CAB39: variants seen among roughly 807,000 people sequenced by gnomAD.
CAB39 encodes the protein calcium binding protein 39.
In CAB39, 8 loss-of-function variants were observed where a neutral mutation model predicts 40.0. That is an observed-to-expected ratio of 0.20 (90% CI 0.12 to 0.36). The LOEUF is 0.36. Among genes scored for constraint, CAB39 ranks in the 10% least tolerant of loss-of-function variants. CAB39 has a pLI of 1.00. For missense variants in CAB39, 270 were observed against 401.1 expected (o/e 0.67, Z 2.79); for synonymous variants, 156 against 141.6 (o/e 1.10, Z -0.72).
intron 1 of CAB39, among the ~76,000 whole-genome samples, chr2:230,723,746 T>C (rs1268028339): frequency 6.6e-6 from 1 of 152,240 alleles, no homozygotes; most frequent in Non-Finnish European, 1.5e-5. Context: ...GCCCTCTCCA[T>C]GCCCTGGTGC....
At chr2:230,794,773 A>G (rs1695952009) in intron 4 of CAB39, among the ~76,000 whole-genome samples, 1 of 152,206 alleles carries the variant, frequency 6.6e-6, no homozygotes, top group Non-Finnish European at 1.5e-5. Context: ...CCCAGCTTCA[A>G]CAGTTACGAA....
At chr2:230,792,801 C>A (rs1695913915) in intron 3 of CAB39, among the ~76,000 whole-genome samples, 1 of 152,142 alleles carries the variant, frequency 6.6e-6, no homozygotes, top group African/African-American at 2.4e-5. Context: ...CCTTCCATCA[C>A]TATGAAAGGA....
intron 1 of CAB39, among the ~76,000 whole-genome samples, chr2:230,721,141 A>G (rs541731667): frequency 1.3e-5 from 2 of 152,334 alleles, no homozygotes; most frequent in East Asian, 3.9e-4. Context: ...AGTATAAGAA[A>G]ACTTTTGCAG....
At chr2:230,817,211 A>G (rs1320384519) in intron 7 of CAB39, among the ~76,000 whole-genome samples, 4 of 152,234 alleles carry the variant, frequency 2.6e-5, no homozygotes, top group Non-Finnish European at 4.4e-5. Context: ...AGGAGCAGAA[A>G]AATACTCACT....
At chr2:230,724,695 A>G (rs1447689506) in intron 1 of CAB39, among the ~76,000 whole-genome samples, 1 of 66,150 alleles carries the variant, frequency 1.5e-5, no homozygotes, top group African/African-American at 6.5e-5. Context: ...AAAAACACAC[A>G]CGCTCACCAA....
At chr2:230,742,236 G>A (rs1180127950) in intron 1 of CAB39, among the ~76,000 whole-genome samples, 2 of 152,008 alleles carry the variant, frequency 1.3e-5, no homozygotes, top group African/African-American at 4.8e-5. Context: ...GTGCAGTGGT[G>A]CGATCTTGGC....
intron 1 of CAB39, among the ~76,000 whole-genome samples, chr2:230,731,550 G>A (rs1483171134): frequency 6.6e-6 from 1 of 152,192 alleles, no homozygotes; most frequent in East Asian, 1.9e-4. Context: ...CACCGAGGCT[G>A]TGAGTGCATT....
In CAB39 at chr2:230,799,110, A is replaced by G. The variant is rs183711031; in HGVS notation, c.567+213A>G. On this transcript the variant is annotated intron_variant, in intron 5 of 8. Transcript: ENST00000258418. ...AGATTCTAAAGTCTATCTAAAAGAC[A>G]AAAGTCCTGTGTGGTCAAAATTCTA... is the stretch of plus-strand genomic sequence containing the variant. 2.6e-4 allele frequency: 122 copies of G among 461,342 alleles called. 3 individuals carry two copies. The East Asian group carries it at 2.7e-3, about 10-fold the overall frequency. 28.6% of individuals were successfully genotyped at this position (461,342 alleles called of 1,614,324 possible). A position where few individuals can be genotyped will look rare whatever the true frequency, so the allele number is the denominator to read the frequency against.
chr2:230,744,081 G>T (rs917006769), intron 1 of CAB39, among the ~76,000 whole-genome samples: 3 of 151,410 alleles, frequency 2.0e-5, no homozygotes, highest in Non-Finnish European at 4.4e-5. Context: ...CACCATGCGC[G>T]GCTAATTTTT....
intron 1 of CAB39, among the ~76,000 whole-genome samples, chr2:230,750,950 A>G (rs1049889726): frequency 3.3e-5 from 5 of 152,226 alleles, no homozygotes; most frequent in Non-Finnish European, 7.3e-5. Context: ...GTAATTAACT[A>G]TTGTGCTTTA....
chr2:230,797,806 A>G (rs1696016161), intron 4 of CAB39, among the ~76,000 whole-genome samples: 1 of 152,210 alleles, frequency 6.6e-6, no homozygotes, highest in Non-Finnish European at 1.5e-5. Flanking sequence ...GGTTTTTTAC[A>G]GCACTGTCAG....
At chr2:230,743,305 T>G (rs559859531) in intron 1 of CAB39, among the ~76,000 whole-genome samples, 5 of 152,196 alleles carry the variant, frequency 3.3e-5, no homozygotes, top group East Asian at 1.9e-4. Context: ...AAGGGAGAGA[T>G]AGAGTAACTC....
At chr2:230,786,290 C>T (rs1247975779) in intron 2 of CAB39, among the ~76,000 whole-genome samples, 1 of 151,340 alleles carries the variant, frequency 6.6e-6, no homozygotes, top group African/African-American at 2.4e-5. Context: ...CAGGCGTGAG[C>T]CACCACACCC....
At position 230,782,813 on chromosome 2, in the gene CAB39, CTTTTTTT is replaced by C. The variant is rs1212977897; in HGVS notation, c.115-8046_115-8040del. Among the ~76,000 whole-genome samples the C allele has an allele frequency of 7.3e-5, 6 of 81,766 alleles. No homozygotes were observed. The East Asian group carries it at 1.8e-3, about 24-fold the overall frequency. The allele number at this position is 81,766 out of a possible 152,430, so 53.6% of individuals were successfully genotyped here. On this transcript the variant is annotated intron_variant, in intron 2 of 8. Coordinates refer to ENST00000258418, the MANE Select transcript of CAB39 (RefSeq NM_016289.4). ...TGTTTCTTTCTTTCTTTCTTTCTTT[CTTTTTTT>C]TTTTTTTTTTTTGAGAAGAAGGGAG...
chr2:230,817,428 C>A (rs887443211), intron 7 of CAB39, among the ~76,000 whole-genome samples: 1 of 152,074 alleles, frequency 6.6e-6, no homozygotes, highest in Non-Finnish European at 1.5e-5. Flanking sequence ...TGAATAGTTT[C>A]TTTTTAGTGA....
chr2:230,778,427 C>T (rs1695632156), intron 2 of CAB39, among the ~76,000 whole-genome samples: 1 of 152,136 alleles, frequency 6.6e-6, no homozygotes, highest in Admixed American at 6.5e-5. Context: ...TGAAATTGTA[C>T]TTTTGTATCA....
chr2:230,739,021 C>G (rs1389990968), intron 1 of CAB39, among the ~76,000 whole-genome samples: 2 of 152,120 alleles, frequency 1.3e-5, no homozygotes. Flanking sequence ...GGCCTTTTCC[C>G]CATACTTGAA....
At chr2:230,796,744 G>A (rs1013840639) in intron 4 of CAB39, among the ~76,000 whole-genome samples, 1 of 151,970 alleles carries the variant, frequency 6.6e-6, no homozygotes, top group African/African-American at 2.4e-5. Context: ...TGTGGTTTGG[G>A]TTAATAAGGC....
Position 230,818,585 on chromosome 2 carries a change from A to G in CAB39, c.907A>G (p.Ile303Val), listed in dbSNP as rs1696446391. The G allele has an allele frequency of 1.2e-6, 2 of 1,613,768 alleles. No homozygotes were observed. Among genetic ancestry groups the G allele is most frequent in the Non-Finnish European group, 1.7e-6 (2 of 1,179,746 alleles). ...DILLKNQAKLIEFLSKFQNDR... is the reference protein window; with the variant it reads ...DILLKNQAKLVEFLSKFQNDR... Reference sequence around the variant, plus strand: ...CCTCCTCAAGAACCAGGCCAAACTCATAGAGTTCCTCAGCAAGTTTCAGAA... The same window carrying G: ...CCTCCTCAAGAACCAGGCCAAACTCGTAGAGTTCCTCAGCAAGTTTCAGAA... Residue 303 changes from isoleucine to valine, a missense_variant, in exon 9 of 9, where the codon ATA becomes GTA. Physicochemically the swap from Ile to Val is conservative, Grantham distance 29. Transcript: ENST00000258418.
Sources: gnomAD v4.1 joint callset for allele counts (sites outside exome capture counted in the v4.1 genomes callset) on GRCh38, gnomAD v4.1.1 for gene constraint, MANE v1.5 for transcripts, NCBI Gene and HGNC (gene_info 2026-07-23, HGNC 2026-07-21) for gene names.